The following ANKS1B variants were observed in gnomAD, a reference collection of about 807,000 sequenced individuals.
The protein encoded by ANKS1B is ankyrin repeat and sterile alpha motif domain containing 1B.
Under a neutral mutation model 148.3 loss-of-function variants are expected in ANKS1B, and 36 were observed. The ratio of observed to expected loss-of-function variants is 0.24; its 90% CI spans 0.19 to 0.32. The LOEUF is 0.32. Ranked by LOEUF, ANKS1B falls within the 10% of genes least tolerant of loss-of-function variation. The probability of loss-of-function intolerance (pLI) is 1.00; values close to 1 mark genes in which losing one functional copy is unlikely to be tolerated. For synonymous variants in ANKS1B, 542 were observed against 560.8 expected (o/e 0.97, Z 0.47); for missense variants, 1,157 against 1,542.6 (o/e 0.75, Z 4.19).
At chr12:99,919,035 TA>T (rs2094263538) in intron 1 of ANKS1B, among the ~76,000 whole-genome samples, 1 of 152,202 alleles carries the variant, frequency 6.6e-6, no homozygotes, top group African/African-American at 2.4e-5. Context: ...AAAATAAACA[TA>T]AACTCCTTTG....
At chr12:99,296,262 G>A (rs2080861410) in intron 12 of ANKS1B, among the ~76,000 whole-genome samples, 2 of 152,118 alleles carry the variant, frequency 1.3e-5, no homozygotes, top group South Asian at 2.1e-4. Flanking sequence ...GTCAGTTGGT[G>A]TGTCTTACAG....
chr12:98,891,807 T>C (rs370408854), intron 17 of ANKS1B, among the ~76,000 whole-genome samples: 8 of 152,334 alleles, frequency 5.3e-5, no homozygotes, highest in African/African-American at 1.7e-4. Context: ...CAAACACTTA[T>C]GCTTTGTTGT....
chr12:98,807,010 G>A (rs1245301983), intron 20 of ANKS1B, among the ~76,000 whole-genome samples: 1 of 152,086 alleles, frequency 6.6e-6, no homozygotes, highest in African/African-American at 2.4e-5. Context: ...TTCACATGCC[G>A]CCCCAAGAAT....
At chr12:99,720,963 C>T (rs1832185603) in intron 8 of ANKS1B, among the ~76,000 whole-genome samples, 2 of 152,216 alleles carry the variant, frequency 1.3e-5, no homozygotes, top group Non-Finnish European at 2.9e-5. Context: ...TATGCTGAAC[C>T]TCCTTAGGCA....
rs137862482 is a variant in ANKS1B, at chr12:99,287,644, C to A, written c.1757-40780G>T. On this transcript the variant is annotated intron_variant, in intron 12 of 26. Transcript: ENST00000683438. ...AAATACCTGTTTTTAGGAAGCTTAA[C>A]AAAATTTAAGATAACACAGAGAAGG... 2.9e-4 allele frequency among the ~76,000 whole-genome samples: 44 copies of A among 152,126 alleles called. No individual in the cohort carries two copies. In the East Asian group the frequency reaches 7.7e-3, roughly 27 times the overall value.
At chr12:99,732,745 A>AT (rs551825806) in intron 8 of ANKS1B, among the ~76,000 whole-genome samples, 17 of 152,254 alleles carry the variant, frequency 1.1e-4, no homozygotes, top group African/African-American at 3.6e-4. Flanking sequence ...TATATCTCTA[A>AT]TTTTTTTAAA....
rs1226404712 is a variant in ANKS1B, at chr12:98,940,118, T to C, written c.2779-107982A>G. On this transcript the variant is annotated intron_variant, in intron 17 of 26. Coordinates refer to ENST00000683438, the MANE Select transcript of ANKS1B (RefSeq NM_001352186.2). ...CTGTGAACGGGCCTGCAGTTACATC[T>C]CACTCCTCTCTTCTGTCAGTTGGGT... Among the ~76,000 whole-genome samples the C allele has an allele frequency of 2.0e-5, 3 of 152,276 alleles. No homozygotes were observed. In the East Asian group the frequency reaches 5.8e-4, roughly 29 times the overall value.
chr12:99,041,076 CT>C (rs959101569), intron 17 of ANKS1B, among the ~76,000 whole-genome samples: 8 of 152,158 alleles, frequency 5.3e-5, no homozygotes, highest in African/African-American at 1.9e-4. Flanking sequence ...TTTGAGTCTG[CT>C]AGCTGAAACC....
intron 8 of ANKS1B, among the ~76,000 whole-genome samples, chr12:99,677,351 T>A (rs895252863): frequency 1.9e-4 from 26 of 138,400 alleles, no homozygotes; most frequent in African/African-American, 6.3e-4. Context: ...TATTTTTTTG[T>A]TTTTTTTCCT....
chr12:99,881,370 GC>G (rs2092471159), intron 1 of ANKS1B, among the ~76,000 whole-genome samples: 1 of 152,202 alleles, frequency 6.6e-6, no homozygotes. Flanking sequence ...ATTCACAGGT[GC>G]CTGAAACTTG....
chr12:99,507,420 G>A (rs1325883742), intron 9 of ANKS1B, among the ~76,000 whole-genome samples: 6 of 151,774 alleles, frequency 4.0e-5, no homozygotes, highest in African/African-American at 9.7e-5. Flanking sequence ...GTTTATTAGA[G>A]AATAATTTGA....
At chr12:99,088,223 G>A (rs1464621718) in intron 15 of ANKS1B, among the ~76,000 whole-genome samples, 1 of 152,160 alleles carries the variant, frequency 6.6e-6, no homozygotes, top group Non-Finnish European at 1.5e-5. Flanking sequence ...ACATAGGGAT[G>A]CCAAAAATAT....
At chr12:98,908,406 A>T (rs903062387) in intron 17 of ANKS1B, among the ~76,000 whole-genome samples, 9 of 152,202 alleles carry the variant, frequency 5.9e-5, no homozygotes, top group Admixed American at 2.6e-4. Context: ...CAAGCACTTA[A>T]CAATATATCA....
rs534810844 is a variant in ANKS1B, at chr12:98,765,974, CT to C, written c.3579+7067del. ...CCAGACTGATTCTAAAGGCCACCCC[CT>C]GATCATGACACTTGACTGCCAGTTA... On this transcript the variant is annotated intron_variant, in intron 25 of 26. Coordinates refer to ENST00000683438, the MANE Select transcript of ANKS1B (RefSeq NM_001352186.2). 2.1e-3 allele frequency among the ~76,000 whole-genome samples: 318 copies of C among 152,338 alleles called. 2 individuals are homozygous for C. The highest frequency in any genetic ancestry group is 7.1e-3 in the African/African-American group (295 of 41,578).
chr12:99,464,585 A>G (rs1369116521), intron 10 of ANKS1B, among the ~76,000 whole-genome samples: 1 of 152,218 alleles, frequency 6.6e-6, no homozygotes, highest in East Asian at 1.9e-4. Flanking sequence ...ACCAATACAG[A>G]GAAGTGCTTA....
At chr12:99,821,500 T>C (rs2082496841) in intron 2 of ANKS1B, among the ~76,000 whole-genome samples, 1 of 151,410 alleles carries the variant, frequency 6.6e-6, no homozygotes, top group Admixed American at 6.6e-5. Context: ...CCATGGGCCA[T>C]AGAAAAACAT....
intron 22 of ANKS1B, among the ~76,000 whole-genome samples, chr12:98,784,911 A>G (rs1266543957): frequency 6.6e-6 from 1 of 152,166 alleles, no homozygotes; most frequent in African/African-American, 2.4e-5. Context: ...GGGGGTGGCC[A>G]TGCTTTCCAA....
intron 1 of ANKS1B, among the ~76,000 whole-genome samples, chr12:99,941,355 T>C (rs946686130): frequency 2.6e-5 from 4 of 151,920 alleles, no homozygotes; most frequent in Admixed American, 6.6e-5. Flanking sequence ...GTAATGTACA[T>C]GGCAGACTAC....
At chr12:99,210,043 C>T (rs1414544592) in intron 14 of ANKS1B, among the ~76,000 whole-genome samples, 1 of 152,172 alleles carries the variant, frequency 6.6e-6, no homozygotes. Flanking sequence ...AGAGAGAATG[C>T]TCCTGACCAA....
Sources: gnomAD v4.1 joint callset for allele counts (sites outside exome capture counted in the v4.1 genomes callset) on GRCh38, gnomAD v4.1.1 for gene constraint, MANE v1.5 for transcripts, NCBI Gene and HGNC (gene_info 2026-07-23, HGNC 2026-07-21) for gene names.